POLE: variants seen among roughly 807,000 people sequenced by gnomAD.
POLE encodes DNA polymerase epsilon catalytic subunit A.
POLE carries 188 observed loss-of-function variants against 279.2 expected under a neutral mutation model. The observed-to-expected ratio is 0.67, with a 90% CI of 0.60 to 0.76. POLE has a LOEUF of 0.76. POLE is among the 30% of genes least tolerant of loss of function. The pLI is 0.00. For synonymous variants in POLE, 1,214 were observed against 1,172.5 expected, an observed-to-expected ratio of 1.04 and a Z score of -0.72; for missense variants, 2,703 against 3,016.7, an observed-to-expected ratio of 0.90 and a Z score of 2.44.
intron 32 of POLE, chr12:132,648,718 G>A (rs1049179926): frequency 3.9e-6 from 2 of 513,072 alleles, no homozygotes; most frequent in Non-Finnish European, 6.8e-6. Flanking sequence ...GGGCAGACAA[G>A]CTCATCGTGA....
rs1357299962 is a variant in POLE, at chr12:132,636,440, GGAAA to G, written c.5679-420_5679-417del. 6.0e-3 allele frequency among the ~76,000 whole-genome samples: 425 copies of G among 70,338 alleles called. 13 individuals carry two copies. Among genetic ancestry groups the G allele is most frequent in the South Asian group, 0.027 (56 of 2,094 alleles). 46.1% of individuals were successfully genotyped at this position (70,338 alleles called of 152,430 possible). ...TCCTCTGCACATTAGATCCATTTAAGGAAAAAAAAAAAAAAAAAAAAAAAAAAAG... is the reference window on the plus strand; with the variant it reads ...TCCTCTGCACATTAGATCCATTTAAGAAAAAAAAAAAAAAAAAAAAAAAAG... On this transcript the variant is annotated intron_variant, in intron 41 of 48. Transcript: ENST00000320574.
intron 39 of POLE, chr12:132,641,109 T>G (rs1272876894): frequency 2.2e-6 from 1 of 455,566 alleles, no homozygotes; most frequent in Non-Finnish European, 4.4e-6. Flanking sequence ...TCCCCGTCCC[T>G]GGGCTGATGT....
chr12:132,638,163 T>C, intron 40 of POLE, 24 bp from the exon 41 acceptor site: 1 of 1,610,946 alleles, frequency 6.2e-7, no homozygotes, highest in South Asian at 1.1e-5. Flanking sequence ...TGAGAGTCCG[T>C]GGTGGAGACG....
intron 14 of POLE, 48 bp from the exon 15 acceptor site, chr12:132,672,887 T>C (rs2042963814): frequency 6.5e-7 from 1 of 1,533,438 alleles, no homozygotes; most frequent in African/African-American, 1.4e-5. Context: ...CCAAAGGCCC[T>C]GACTTGCAGG....
In POLE at chr12:132,642,220, G is replaced by A. The variant is rs1340452589; in HGVS notation, c.5130C>T (p.Asp1710=). 6 of 1,607,926 alleles carry A rather than the reference G, an allele frequency of 3.7e-6. No homozygotes were observed. Among genetic ancestry groups the A allele is most frequent in the Non-Finnish European group, 5.1e-6 (6 of 1,177,058 alleles). ...AACTGTTGATCTCAACAGTGGCTTG[G>A]TCATCGAACTCCATGACAAGACAGT... is the stretch of plus-strand genomic sequence containing the variant. ...DDNCLVMEFD[D]QATVEINSSG... is the part of the protein sequence containing the mutation. Residue 1710 remains aspartate (D), a synonymous_variant, in exon 38 of 49, where the codon GAC becomes GAT. Transcript: ENST00000320574.
chr12:132,665,746 G>A (rs2042784800), intron 20 of POLE, among the ~76,000 whole-genome samples: 1 of 152,128 alleles, frequency 6.6e-6, no homozygotes, highest in South Asian at 2.1e-4. Flanking sequence ...ACTCGGGGGT[G>A]CCTGGTAAAA....
chr12:132,673,035 A>C (rs2042966419), intron 14 of POLE, 129 bp downstream of exon 14: 1 of 772,146 alleles, frequency 1.3e-6, no homozygotes, highest in Non-Finnish European at 2.2e-6. Flanking sequence ...CTGACGTCAC[A>C]CACCAGAATT....
At chr12:132,631,790 G>A (rs1336435055) in intron 45 of POLE, among the ~76,000 whole-genome samples, 2 of 152,100 alleles carry the variant, frequency 1.3e-5, no homozygotes, top group Non-Finnish European at 2.9e-5. Flanking sequence ...TGGGTGTTCG[G>A]CTGTGCCTTC....
rs747611430 is a variant in POLE, at chr12:132,632,532, G to A, written c.6137-24C>T. The stretch of plus-strand genomic sequence containing the variant: ...TCCTGGAAGTATAAGGATGCTGAGG[G>A]AGGGGTCTGGGACCTGTCTGGCACT... On this transcript the variant is annotated intron_variant, in intron 44 of 48. Transcript: ENST00000320574. 1.9e-6 allele frequency: 3 copies of A among 1,611,976 alleles called. No homozygotes were observed. The highest frequency in any genetic ancestry group is 2.5e-6 in the Non-Finnish European group (3 of 1,178,082).
chr12:132,677,916 G>A (rs529737808), intron 6 of POLE, among the ~76,000 whole-genome samples, 197 bp from the exon 7 acceptor site: 4 of 152,352 alleles, frequency 2.6e-5, no homozygotes, highest in East Asian at 1.9e-4. Context: ...GGCAGCTCAC[G>A]CCTGTAATCC....
chr12:132,658,765 A>G (rs2042606821), intron 26 of POLE: 1 of 158,348 alleles, frequency 6.3e-6, no homozygotes, highest in Admixed American at 5.9e-5. Context: ...GATTAGAGTG[A>G]AGCCCTGTGT....
chr12:132,650,035 C>G, intron 29 of POLE, 146 bp from the exon 30 acceptor site: 1 of 654,364 alleles, frequency 1.5e-6, no homozygotes. Context: ...ACAGCAAGAC[C>G]CTGTCTCTAC....
intron 14 of POLE, among the ~76,000 whole-genome samples, 154 bp from the exon 15 acceptor site, chr12:132,672,993 C>T (rs1421016983): frequency 1.3e-5 from 2 of 152,208 alleles, no homozygotes; most frequent in African/African-American, 4.8e-5. Context: ...TTCTTCCTCA[C>T]ACCAGGGCCA....
intron 29 of POLE, 28 bp downstream of exon 29, chr12:132,657,108 C>T (rs2138655550): frequency 1.2e-6 from 2 of 1,612,396 alleles, no homozygotes; most frequent in Non-Finnish European, 1.7e-6. Flanking sequence ...GGATCCCGCC[C>T]AGCCCAGCCT....
rs532781183 is a variant in POLE, at chr12:132,642,516, C to T, written c.4942G>A (p.Glu1648Lys). 33 of 1,613,506 alleles carry T rather than the reference C, an allele frequency of 2.0e-5. No individual in the cohort carries two copies. The highest frequency in any genetic ancestry group is 1.6e-4 in the Middle Eastern group (1 of 6,084). Residue 1648 changes from glutamate to lysine, a missense_variant, in exon 37 of 49, where the codon GAG (glutamate) becomes AAG (lysine). Coordinates refer to ENST00000320574, the MANE Select transcript of POLE (RefSeq NM_006231.4). Reference sequence around the variant, plus strand: ...CAGTACTGTGCTCACCTGCTCATCTCGAAGGCCTGCGACAGGCAGGTGTCC... The same window carrying T: ...CAGTACTGTGCTCACCTGCTCATCTTGAAGGCCTGCGACAGGCAGGTGTCC... ...NLDTCLSQAF[E>K]MSRYFHIPIG... is the part of the protein sequence containing the mutation.
intron 41 of POLE, 50 bp from the exon 42 acceptor site, chr12:132,636,074 T>C (rs2138488195): frequency 5.7e-6 from 9 of 1,577,376 alleles, no homozygotes; most frequent in Non-Finnish European, 7.7e-6. Flanking sequence ...GACCTTGTTC[T>C]CAACTTTCCT....
chr12:132,625,463 G>T, intron 47 of POLE, 182 bp downstream of exon 47: 1 of 833,274 alleles, frequency 1.2e-6, no homozygotes, highest in Non-Finnish European at 2.1e-6. Flanking sequence ...CCCAAGGCAG[G>T]TGCTCAACCA....
chr12:132,658,899 A>AAAAAAAAAG (rs1565955290), intron 26 of POLE, among the ~76,000 whole-genome samples: 17 of 151,102 alleles, frequency 1.1e-4, no homozygotes, highest in African/African-American at 3.6e-4. Flanking sequence ...AAAAAAAAAA[A>AAAAAAAAAG]AAAAAAAAAG....
At chr12:132,679,386 C>T (rs1000541721) in intron 6 of POLE, 111 bp downstream of exon 6, 8 of 1,051,028 alleles carry the variant, frequency 7.6e-6, no homozygotes, top group African/African-American at 3.2e-5. Context: ...TCAAGTTTTC[C>T]GTATCAAACA....
Sources: gnomAD v4.1 joint callset for allele counts (sites outside exome capture counted in the v4.1 genomes callset) on GRCh38, gnomAD v4.1.1 for gene constraint, MANE v1.5 for transcripts, NCBI Gene and HGNC (gene_info 2026-07-23, HGNC 2026-07-21) for gene names.